LRP1B: variants seen among roughly 807,000 people sequenced by gnomAD.
The protein encoded by LRP1B is low-density lipoprotein receptor-related protein 1B.
LRP1B carries 217 observed loss-of-function variants against 556.6 expected under a neutral mutation model. That is an observed-to-expected ratio of 0.39 (90% CI 0.35 to 0.44). The LOEUF (loss-of-function observed/expected upper bound fraction) is 0.44. LRP1B is among the 20% of genes least tolerant of loss of function. LRP1B has a pLI of 1.00. For missense variants in LRP1B, 5,053 were observed against 5,620.8 expected (o/e 0.90, Z 3.23); for synonymous variants, 2,047 against 1,865.8 (o/e 1.10, Z -2.50).
At chr2:141,060,718 C>G (rs1233573553) in intron 8 of LRP1B, among the ~76,000 whole-genome samples, 1 of 151,714 alleles carries the variant, frequency 6.6e-6, no homozygotes, top group Non-Finnish European at 1.5e-5. Flanking sequence ...TCACTACCTC[C>G]CTATCTTCCT....
At chr2:140,370,976 T>C (rs911742573) in intron 70 of LRP1B, 134 bp from the exon 71 acceptor site, 42 of 1,030,176 alleles carry the variant, frequency 4.1e-5, no homozygotes, top group Non-Finnish European at 5.9e-5. Flanking sequence ...TTAATGAATA[T>C]AACTTCTACA....
chr2:140,539,205 A>G lies in LRP1B; in HGVS notation c.7513+1768T>C, dbSNP rs541730072. On this transcript the variant is annotated intron_variant, in intron 45 of 90. Transcript: ENST00000389484. Reference sequence around the variant, plus strand: ...CCTTTGCCCTCAGGTAGGTGTTAGTACATGGCCTTTCACCCCTTTAATGCT... The same window carrying G: ...CCTTTGCCCTCAGGTAGGTGTTAGTGCATGGCCTTTCACCCCTTTAATGCT... Among the ~76,000 whole-genome samples, 50 of 152,264 alleles carry G rather than the reference A, an allele frequency of 3.3e-4. 1 individual carries two copies. In the South Asian group the frequency reaches 0.01, roughly 32 times the overall value.
chr2:140,417,870 C>T (rs76541038), intron 66 of LRP1B, among the ~76,000 whole-genome samples: 1,802 of 152,248 alleles, frequency 0.012, 24 homozygotes, highest in South Asian at 0.018. Context: ...AAATACATGC[C>T]CTTAACTCAC....
intron 1 of LRP1B, among the ~76,000 whole-genome samples, chr2:141,879,272 A>G (rs890530027): frequency 6.6e-6 from 1 of 151,868 alleles, no homozygotes; most frequent in Admixed American, 6.6e-5. Context: ...TGATTCTGAT[A>G]TCTAAAAATA....
intron 67 of LRP1B, among the ~76,000 whole-genome samples, chr2:140,379,567 C>T (rs552137082): frequency 6.6e-4 from 101 of 152,162 alleles, no homozygotes; most frequent in African/African-American, 2.3e-3. Context: ...TGGTGGCAGG[C>T]GCCTGTAATC....
chr2:140,643,676 G>A (rs1268385721), intron 41 of LRP1B, among the ~76,000 whole-genome samples: 3 of 152,096 alleles, frequency 2.0e-5, no homozygotes, highest in Non-Finnish European at 2.9e-5. Context: ...GTAAAATGTA[G>A]CAGCCTTGGA....
Position 141,961,537 on chromosome 2 carries a change from G to A in LRP1B, c.83-151136C>T, listed in dbSNP as rs937462303. 3.3e-5 allele frequency among the ~76,000 whole-genome samples: 5 copies of A among 151,776 alleles called. 1 individual carries two copies. In the East Asian group the frequency reaches 5.9e-4, roughly 18 times the overall value. On this transcript the variant is annotated intron_variant, in intron 1 of 90. Transcript: ENST00000389484. ...ATCTGGGTCAATAGCTCAACAGAGT[G>A]TATTTCAAATTAAAACACATTATTG...
At chr2:141,654,888 G>T (rs1353023649) in intron 2 of LRP1B, among the ~76,000 whole-genome samples, 6 of 152,128 alleles carry the variant, frequency 3.9e-5, no homozygotes, top group Admixed American at 3.9e-4. Context: ...ATGATAAGTT[G>T]TCTTGGTGTT....
At chr2:142,079,218 T>C (rs997780966) in intron 1 of LRP1B, among the ~76,000 whole-genome samples, 2 of 152,144 alleles carry the variant, frequency 1.3e-5, no homozygotes, top group Non-Finnish European at 2.9e-5. Flanking sequence ...ACATGAACCA[T>C]ATAGGAACAT....
chr2:140,522,505 C>T (rs182182995), intron 49 of LRP1B, among the ~76,000 whole-genome samples: 5 of 151,568 alleles, frequency 3.3e-5, no homozygotes, highest in Non-Finnish European at 7.4e-5. Context: ...CTGACTGCAC[C>T]TAAACGAACC....
chr2:140,931,275 CTTGGT>C (rs1298867353), intron 20 of LRP1B, among the ~76,000 whole-genome samples: 1 of 152,090 alleles, frequency 6.6e-6, no homozygotes, highest in African/African-American at 2.4e-5. Flanking sequence ...TGCCATATTT[CTTGGT>C]TTATTATTCA....
At chr2:140,314,845 A>T (rs1453713175) in intron 83 of LRP1B, 90 bp downstream of exon 83, 5 of 838,774 alleles carry the variant, frequency 6.0e-6, no homozygotes, top group African/African-American at 1.7e-5. Flanking sequence ...TTAAGATATT[A>T]GGAAGTATAT....
chr2:140,347,521 C>T (rs1274735630), intron 77 of LRP1B, among the ~76,000 whole-genome samples: 1 of 149,592 alleles, frequency 6.7e-6, no homozygotes, highest in Admixed American at 6.7e-5. Context: ...GAATGTACTT[C>T]ATTTAACATT....
chr2:141,972,959 TATTTA>T (rs1346997237), intron 1 of LRP1B, among the ~76,000 whole-genome samples: 1 of 151,632 alleles, frequency 6.6e-6, no homozygotes, highest in Non-Finnish European at 1.5e-5. Context: ...TATCAAATAA[TATTTA>T]ATTATTTCTA....
intron 23 of LRP1B, among the ~76,000 whole-genome samples, chr2:140,889,105 T>C (rs536333387): frequency 2.4e-4 from 37 of 152,330 alleles, no homozygotes; most frequent in African/African-American, 8.2e-4. Context: ...ACTCAAGTTA[T>C]CTACATAGAC....
intron 7 of LRP1B, among the ~76,000 whole-genome samples, chr2:141,094,366 G>T (rs1354769918): frequency 6.6e-6 from 1 of 151,982 alleles, no homozygotes; most frequent in East Asian, 1.9e-4. Context: ...TTAAAAATAT[G>T]TTTATTAAAT....
intron 6 of LRP1B, among the ~76,000 whole-genome samples, chr2:141,193,862 C>G (rs1310415049): frequency 6.6e-6 from 1 of 151,898 alleles, no homozygotes; most frequent in Non-Finnish European, 1.5e-5. Context: ...CCAAGGATTA[C>G]TTCATTCTCC....
intron 35 of LRP1B, among the ~76,000 whole-genome samples, chr2:140,730,454 CAT>C (rs34048113): frequency 0.013 from 1,910 of 152,154 alleles, 81 homozygotes; most frequent in Admixed American, 0.071. Context: ...TACATGTACA[CAT>C]ATATAAGACA....
At chr2:140,621,966 T>C (rs1379655737) in intron 41 of LRP1B, among the ~76,000 whole-genome samples, 1 of 152,214 alleles carries the variant, frequency 6.6e-6, no homozygotes, top group Non-Finnish European at 1.5e-5. Context: ...AGAAATCATG[T>C]AGGACATTAT....
Sources: gnomAD v4.1 joint callset for allele counts (sites outside exome capture counted in the v4.1 genomes callset) on GRCh38, gnomAD v4.1.1 for gene constraint, MANE v1.5 for transcripts, NCBI Gene and HGNC (gene_info 2026-07-23, HGNC 2026-07-21) for gene names.